Variants in ACACA observed in about 807,000 individuals in gnomAD.
ACACA encodes the protein acetyl-CoA carboxylase alpha.
A neutral mutation model predicts 296.1 loss-of-function variants in ACACA; 103 were observed. That is an observed-to-expected ratio of 0.35 (90% confidence interval 0.30 to 0.41). ACACA has a LOEUF of 0.41. Ranked by LOEUF, ACACA falls within the 10% of genes least tolerant of loss-of-function variation. The pLI is 1.00. For missense variants in ACACA, 1,554 were observed against 2,989.7 expected, an observed-to-expected ratio of 0.52 and a Z score of 11.20; for synonymous variants, 953 against 1,038.6, an observed-to-expected ratio of 0.92 and a Z score of 1.58.
At chr17:37,333,000 T>C (rs910282242) in intron 2 of ACACA, among the ~76,000 whole-genome samples, 2 of 152,086 alleles carry the variant, frequency 1.3e-5, no homozygotes, top group South Asian at 4.2e-4. Context: ...TGTATACTGA[T>C]GGAAGTTCCT....
chr17:37,244,962 A>G (rs2080618838), intron 20 of ACACA, 118 bp downstream of exon 20: 7 of 1,477,652 alleles, frequency 4.7e-6, no homozygotes, highest in Non-Finnish European at 6.6e-6. Flanking sequence ...GCATAAGATT[A>G]ATAGGGGACA....
chr17:37,160,285 G>T (rs2076409245), intron 42 of ACACA, among the ~76,000 whole-genome samples: 1 of 152,196 alleles, frequency 6.6e-6, no homozygotes, highest in Non-Finnish European at 1.5e-5. Context: ...AGCAAGAAAG[G>T]AGATCAAATG....
chr17:37,178,103 T>C (rs902370442), intron 41 of ACACA, among the ~76,000 whole-genome samples: 8 of 152,212 alleles, frequency 5.3e-5, no homozygotes, highest in African/African-American at 1.9e-4. Context: ...ATATTTAAGG[T>C]TGAAATAAAA....
intron 3 of ACACA, among the ~76,000 whole-genome samples, chr17:37,303,170 T>G (rs2083711352): frequency 6.6e-6 from 1 of 152,154 alleles, no homozygotes; most frequent in African/African-American, 2.4e-5. Context: ...TCCAATATGC[T>G]CCCCAATCCT....
At position 37,125,722 on chromosome 17, in the gene ACACA, T is replaced by C. The variant is rs1352418047; in HGVS notation, c.6017A>G (p.Gln2006Arg). ...SFSEIMQPWA[Q>R]TVVVGRARLG... is the part of the protein sequence containing the mutation. The stretch of plus-strand genomic sequence containing the variant: ...CCTGGCTCTACCAACCACCACAGTC[T>C]GTGCCCAGGGCTGCATAATCTCTGA... Residue 2006 changes from glutamine (Q) to arginine (R), a missense_variant, in exon 48 of 56, where the codon CAG becomes CGG. Coordinates refer to ENST00000616317, the MANE Select transcript of ACACA (RefSeq NM_198834.3). 6.2e-7 allele frequency: 1 copy of C among 1,613,988 alleles called. No homozygotes were observed. The highest frequency in any genetic ancestry group is 1.7e-5 in the Admixed American group (1 of 60,004).
intron 2 of ACACA, among the ~76,000 whole-genome samples, chr17:37,335,595 C>T (rs1374562054): frequency 6.6e-6 from 1 of 152,134 alleles, no homozygotes. Context: ...ACAATCATGT[C>T]ATACCTAAGC....
intron 45 of ACACA, among the ~76,000 whole-genome samples, chr17:37,135,442 T>A (rs1247935878): frequency 6.6e-6 from 1 of 152,160 alleles, no homozygotes; most frequent in African/African-American, 2.4e-5. Context: ...GAGAAAAGCC[T>A]CTGACATGAG....
intron 14 of ACACA, among the ~76,000 whole-genome samples, chr17:37,255,955 G>A (rs1324624678): frequency 1.3e-5 from 2 of 151,958 alleles, no homozygotes; most frequent in East Asian, 1.9e-4. Context: ...CCATGTTGGC[G>A]AAGTTGGTCT....
intron 45 of ACACA, chr17:37,140,803 G>T: frequency 4.9e-6 from 1 of 203,768 alleles, no homozygotes; most frequent in East Asian, 1.3e-4. Context: ...GGGTGGCAGT[G>T]CAGCCCCTGG....
chr17:37,344,078 AAAAAAATAAAAAGAT>A (rs1284585903), intron 1 of ACACA, among the ~76,000 whole-genome samples: 2 of 151,488 alleles, frequency 1.3e-5, no homozygotes, highest in Non-Finnish European at 2.9e-5. Context: ...AAATATAAAC[AAAAAAATAAAAAGAT>A]AAAAAATAAA....
At chr17:37,257,341 G>A (rs1242827919) in intron 14 of ACACA, among the ~76,000 whole-genome samples, 1 of 151,950 alleles carries the variant, frequency 6.6e-6, no homozygotes, top group Non-Finnish European at 1.5e-5. Flanking sequence ...TAAAATAAAA[G>A]TCTATGATTT....
At chr17:37,329,918 G>T (rs953658628) in intron 3 of ACACA, among the ~76,000 whole-genome samples, 2 of 152,002 alleles carry the variant, frequency 1.3e-5, no homozygotes, top group Non-Finnish European at 2.9e-5. Flanking sequence ...TCCAGCTTGG[G>T]CAACAGAGCA....
At position 37,113,269 on chromosome 17, in the gene ACACA, T is replaced by G. The variant is rs759353470; in HGVS notation, c.6275-4A>C. On this transcript the variant is annotated splice_region_variant and splice_polypyrimidine_tract_variant and intron_variant, in intron 50 of 55. Transcript: ENST00000616317. This position sits in a 1 kb window ranked among gnomAD's most constrained non-coding sequence, Gnocchi z 4.0. The stretch of plus-strand genomic sequence containing the variant: ...TTCAGCACTTGGTCGTACATATCTA[T>G]GGAGAATGAGACAAATTAGAAATCA... 6.2e-7 allele frequency: 1 copy of G among 1,614,016 alleles called. No individual in the cohort carries two copies. Among genetic ancestry groups the G allele is most frequent in the Non-Finnish European group, 8.5e-7 (1 of 1,179,902 alleles).
chr17:37,340,429 T>G (rs1436895686), intron 1 of ACACA, among the ~76,000 whole-genome samples: 1 of 152,224 alleles, frequency 6.6e-6, no homozygotes. Context: ...AAGAATCACC[T>G]GCGGAGCTTT....
rs760415282 is a variant in ACACA, at chr17:37,130,201, C to T, written c.5697G>A (p.Val1899=). ...CCCCCAGCTGGTTATTGGAGGTGTA[C>T]ACTTCCCGCCCGAGGACCTAGAGAA... The part of the protein sequence containing the change: ...GALNKVLGRE[V]YTSNNQLGGI... Residue 1899 remains valine, a synonymous_variant, in exon 46 of 56, where the codon GTG becomes GTA. Transcript: ENST00000616317. The T allele has an allele frequency of 5.0e-6, 8 of 1,614,050 alleles. No homozygotes were observed. The highest frequency in any genetic ancestry group is 1.1e-5 in the South Asian group (1 of 91,084).
Position 37,384,355 on chromosome 17 carries a change from C to T in ACACA, c.38+21907G>A, listed in dbSNP as rs148709381. On this transcript the variant is annotated intron_variant, in intron 1 of 55. Transcript: ENST00000616317. ...TTAAGAAATTTGGAAAAGGAAAAGA[C>T]GGCTGTTATCAATATTTCAAAATTT... 7.4e-3 allele frequency among the ~76,000 whole-genome samples: 1,120 copies of T among 152,286 alleles called. 4 individuals are homozygous for T. The highest frequency in any genetic ancestry group is 0.011 in the Non-Finnish European group (729 of 68,030).
chr17:37,198,149 C>T (rs571459670), intron 35 of ACACA, among the ~76,000 whole-genome samples: 1 of 152,196 alleles, frequency 6.6e-6, no homozygotes, highest in South Asian at 2.1e-4. Context: ...ACTATAGATT[C>T]AGAGATAAGA....
intron 25 of ACACA, among the ~76,000 whole-genome samples, chr17:37,227,999 A>C (rs1045053465): frequency 1.3e-5 from 2 of 152,028 alleles, no homozygotes; most frequent in African/African-American, 4.8e-5. Context: ...CCCCACTTTG[A>C]TTATCAGCCC....
intron 1 of ACACA, among the ~76,000 whole-genome samples, chr17:37,350,673 C>A (rs985159432): frequency 1.3e-5 from 2 of 152,024 alleles, no homozygotes; most frequent in African/African-American, 4.8e-5. Flanking sequence ...AACCCTGTCT[C>A]TACTAAAAAT....
Sources: gnomAD v4.1 joint callset for allele counts (sites outside exome capture counted in the v4.1 genomes callset) on GRCh38, gnomAD v4.1.1 for gene constraint, Gnocchi (gnomAD v3.1) non-coding constraint, MANE v1.5 for transcripts, NCBI Gene and HGNC (gene_info 2026-07-23, HGNC 2026-07-21) for gene names.